The following SMIM13 variants were observed in gnomAD, a reference collection of about 807,000 sequenced individuals.
SMIM13 encodes the protein UPF0766 protein C6orf228.
SMIM13 carries 3 observed loss-of-function variants against 5.9 expected under a neutral mutation model. The ratio of observed to expected loss-of-function variants is 0.51; its 90% CI spans 0.23 to 1.31. The LOEUF (loss-of-function observed/expected upper bound fraction) is 1.31, where lower values mean the gene tolerates loss of function less well. Among genes scored for constraint, SMIM13 ranks in the 40% most tolerant of loss-of-function variants. The pLI is 0.18. For missense variants in SMIM13, 85 were observed against 109.9 expected, an observed-to-expected ratio of 0.77 and a Z score of 1.01; for synonymous variants, 55 against 46.0, an observed-to-expected ratio of 1.19 and a Z score of -0.79.
intron 1 of SMIM13, chr6:11,104,604 G>T: frequency 1.2e-6 from 2 of 1,614,148 alleles, no homozygotes; most frequent in Admixed American, 1.7e-5. Context: ...CCAAAAAAGA[G>T]AATTTCGAGT....
intron 1 of SMIM13, among the ~76,000 whole-genome samples, chr6:11,126,130 A>G (rs1025897858): frequency 2.0e-5 from 3 of 151,782 alleles, no homozygotes; most frequent in Non-Finnish European, 4.4e-5. Context: ...GCTCACCACA[A>G]CCTCCGCCTC....
rs769911187 is a variant in SMIM13, at chr6:11,104,966, A to G, written c.76+10577A>G. 1.9e-6 allele frequency: 3 copies of G among 1,614,228 alleles called. No homozygotes were observed. In the South Asian group the frequency reaches 3.3e-5, roughly 18 times the overall value. ...GGGCTATTCCCATTAGGTTGATATTAGTAAAGATGGGTCCGAAAATGGGAG... is the reference window on the plus strand; with the variant it reads ...GGGCTATTCCCATTAGGTTGATATTGGTAAAGATGGGTCCGAAAATGGGAG... On this transcript the variant is annotated intron_variant, in intron 1 of 1. Transcript: ENST00000416247.
chr6:11,105,059 TC>T, intron 1 of SMIM13: 1 of 1,614,186 alleles, frequency 6.2e-7, no homozygotes, highest in Non-Finnish European at 8.5e-7. Flanking sequence ...GCCTCATCAG[TC>T]CTTTCAGATT....
At chr6:11,117,232 C>T (rs1211432345) in intron 1 of SMIM13, among the ~76,000 whole-genome samples, 8 of 145,092 alleles carry the variant, frequency 5.5e-5, no homozygotes, top group South Asian at 2.2e-4. Context: ...GGCGGGATCT[C>T]GGCTCACTGC....
chr6:11,108,186 A>G (rs1758115075), intron 1 of SMIM13, among the ~76,000 whole-genome samples: 1 of 152,218 alleles, frequency 6.6e-6, no homozygotes, highest in African/African-American at 2.4e-5. Flanking sequence ...GACAGCACAG[A>G]GGAGGAGTAA....
At chr6:11,121,635 A>C (rs1456981566) in intron 1 of SMIM13, among the ~76,000 whole-genome samples, 1 of 152,208 alleles carries the variant, frequency 6.6e-6, no homozygotes, top group African/African-American at 2.4e-5. Flanking sequence ...TACCAATATC[A>C]TGTAAAGGGT....
At chr6:11,109,243 T>C (rs1352596134) in intron 1 of SMIM13, among the ~76,000 whole-genome samples, 1 of 152,214 alleles carries the variant, frequency 6.6e-6, no homozygotes, top group Non-Finnish European at 1.5e-5. Context: ...TAAAACACTT[T>C]GATATATTTG....
chr6:11,093,866 C>G lies in SMIM13; in HGVS notation c.-448C>G, dbSNP rs1759202666. 6.6e-6 allele frequency among the ~76,000 whole-genome samples: 1 copy of G among 152,262 alleles called. No homozygotes were observed. Among genetic ancestry groups the G allele is most frequent in the African/African-American group, 2.4e-5 (1 of 41,462 alleles). On this transcript the variant is annotated 5_prime_UTR_variant, in exon 1 of 2. Coordinates refer to ENST00000416247, the MANE Select transcript of SMIM13 (RefSeq NM_001135575.2). ...CCGCTACAGCCGCGGCCGGGCGACG[C>G]TGACATCTGGCATCCCTGGGGTCTC...
At position 11,116,982 on chromosome 6, in the gene SMIM13, C is replaced by CTTTTTTTTTTT. The variant is rs68092921; in HGVS notation, c.77-17404_77-17394dup. Among the ~76,000 whole-genome samples, 32 of 46,444 alleles carry CTTTTTTTTTTT rather than the reference C, an allele frequency of 6.9e-4. 7 individuals carry two copies. The highest frequency in any genetic ancestry group is 2.7e-3 in the East Asian group (4 of 1,464). 30.5% of individuals were successfully genotyped at this position (46,444 alleles called of 152,430 possible). A position where few individuals can be genotyped will look rare whatever the true frequency, so the allele number is the denominator to read the frequency against. On this transcript the variant is annotated intron_variant, in intron 1 of 1. Coordinates refer to ENST00000416247, the MANE Select transcript of SMIM13 (RefSeq NM_001135575.2). The stretch of plus-strand genomic sequence containing the variant: ...AATAGACATTTAATGATAATTGTTT[C>CTTTTTTTTTTT]TTTTTTTTTTTTTTTTTTTTTTTTT...
intron 1 of SMIM13, among the ~76,000 whole-genome samples, chr6:11,117,454 C>A (rs537116028): frequency 2.0e-4 from 31 of 151,500 alleles, no homozygotes; most frequent in African/African-American, 7.5e-4. Flanking sequence ...AGATTACAGT[C>A]GTGAGCCACC....
At chr6:11,103,623 C>G (rs1758031775) in intron 1 of SMIM13, 6 of 1,468,580 alleles carry the variant, frequency 4.1e-6, no homozygotes, top group African/African-American at 1.4e-5. Context: ...CATATCCAGC[C>G]AGGTCCACGG....
At position 11,129,932 on chromosome 6, in the gene SMIM13, G is replaced by T. The variant is rs559268791; in HGVS notation, c.77-4471G>T. Among the ~76,000 whole-genome samples, 9 of 152,146 alleles carry T rather than the reference G, an allele frequency of 5.9e-5. No homozygotes were observed. In the East Asian group the frequency reaches 1.7e-3, roughly 29 times the overall value. On this transcript the variant is annotated intron_variant, in intron 1 of 1. Transcript: ENST00000416247. ...TGGTTTTTTCCCTCAAAACAGATGT[G>T]TCATGTGTCGTTTTCCCATTGAGAC...
At chr6:11,126,797 T>C (rs1758383340) in intron 1 of SMIM13, among the ~76,000 whole-genome samples, 2 of 152,170 alleles carry the variant, frequency 1.3e-5, no homozygotes, top group Admixed American at 1.3e-4. Context: ...TGGAAGGGAC[T>C]TGGGCATTGT....
Position 11,103,848 on chromosome 6 carries a change from C to A in SMIM13, c.76+9459C>A. 6.4e-7 allele frequency: 1 copy of A among 1,551,610 alleles called. No homozygotes were observed. The highest frequency in any genetic ancestry group is 1.2e-5 in the South Asian group (1 of 84,060). Reference sequence around the variant, plus strand: ...CAAAAGTAGGAGACTAACAAGTGGGCCTGTAAGGGGAAGAACCCAAGAGAA... The same window carrying A: ...CAAAAGTAGGAGACTAACAAGTGGGACTGTAAGGGGAAGAACCCAAGAGAA... On this transcript the variant is annotated intron_variant, in intron 1 of 1. Transcript: ENST00000416247.
intron 1 of SMIM13, among the ~76,000 whole-genome samples, chr6:11,130,261 A>C (rs746430976): frequency 0.024 from 3,307 of 139,066 alleles, 61 homozygotes; most frequent in African/African-American, 0.038. Flanking sequence ...TGTAAAAAAA[A>C]AAAAAAAACA....
intron 1 of SMIM13, chr6:11,103,834 G>T: frequency 6.4e-7 from 1 of 1,551,662 alleles, no homozygotes; most frequent in Non-Finnish European, 8.7e-7. Context: ...AAAAGTAGGA[G>T]ACTAACAAGT....
At chr6:11,103,793 T>G in intron 1 of SMIM13, 1 of 1,551,600 alleles carries the variant, frequency 6.4e-7, no homozygotes, top group Non-Finnish European at 8.7e-7. Context: ...ATTGGGTTAT[T>G]AGATTTAGGA....
In SMIM13 at chr6:11,100,151, C is replaced by T. The variant is rs760696243; in HGVS notation, c.76+5762C>T. 1.7e-3 allele frequency among the ~76,000 whole-genome samples: 264 copies of T among 152,080 alleles called. 2 individuals carry two copies. The highest frequency in any genetic ancestry group is 3.4e-3 in the Middle Eastern group (1 of 294). ...TCTCGGCTCACTGCAGCCTCCACCTCCTGGATTCAAGCGATTCTCCTGCCT... is the reference window on the plus strand; with the variant it reads ...TCTCGGCTCACTGCAGCCTCCACCTTCTGGATTCAAGCGATTCTCCTGCCT... On this transcript the variant is annotated intron_variant, in intron 1 of 1. Coordinates refer to ENST00000416247, the MANE Select transcript of SMIM13 (RefSeq NM_001135575.2).
chr6:11,103,548 T>G (rs1758030423), intron 1 of SMIM13: 1 of 1,221,130 alleles, frequency 8.2e-7, no homozygotes, highest in African/African-American at 1.5e-5. Flanking sequence ...CTGTAGTGGT[T>G]GTTCTGTGGG....
Sources: allele counts gnomAD v4.1 joint callset (sites outside exome capture counted in the v4.1 genomes callset), GRCh38; gene constraint gnomAD v4.1.1; transcripts MANE v1.5; gene names NCBI Gene and HGNC (gene_info 2026-07-23, HGNC 2026-07-21).